Variants in TTC12 observed in about 807,000 individuals in gnomAD.
The protein encoded by TTC12 is tetratricopeptide repeat domain 12.
TTC12 carries 70 observed loss-of-function variants against 90.1 expected under a neutral mutation model. The ratio of observed to expected loss-of-function variants is 0.78; its 90% confidence interval spans 0.64 to 0.95. The LOEUF is 0.95. TTC12 is among the 40% of genes least tolerant of loss of function. The pLI, the probability that TTC12 is intolerant of heterozygous loss-of-function variation, is 0.00. For missense variants in TTC12, 819 were observed against 846.1 expected, an observed-to-expected ratio of 0.97 and a Z score of 0.40; for synonymous variants, 296 against 311.5, an observed-to-expected ratio of 0.95 and a Z score of 0.53.
downstream of TTC12, chr11:113,369,117 ATTGTTTGTTTGT>A (rs112124449): frequency 2.0e-5 from 3 of 152,990 alleles, no homozygotes; most frequent in East Asian, 1.9e-4. Flanking sequence ...CTGCCTGTGC[ATTGTTTGTTTGT>A]TTGTTTGTTT....
chr11:113,345,355 T>C (rs1433660135), intron 13 of TTC12, among the ~76,000 whole-genome samples: 1 of 152,282 alleles, frequency 6.6e-6, no homozygotes, highest in Non-Finnish European at 1.5e-5. Context: ...ATGTCACTCA[T>C]GGGGCAGGAA....
exon 22 of TTC12, chr11:113,373,274 CAT>C: frequency 1.0e-6 from 1 of 959,684 alleles, no homozygotes; most frequent in Non-Finnish European, 1.2e-6. Context: ...AAATTCATAA[CAT>C]AATGACTTCA....
At chr11:113,352,295 T>TCCCAGGGAAATCCAGAAGCA in intron 16 of TTC12, 88 bp downstream of exon 16, 1 of 1,576,652 alleles carries the variant, frequency 6.3e-7, no homozygotes, top group Non-Finnish European at 8.7e-7. Context: ...CCAAAAATTC[T>TCCCAGGGAAATCCAGAAGCA]GTTTCTGTGG....
chr11:113,325,712 C>T, intron 6 of TTC12, 67 bp downstream of exon 6: 1 of 1,591,574 alleles, frequency 6.3e-7, no homozygotes. Flanking sequence ...CTTGGGAAAA[C>T]AAAGATGAGG....
intron 8 of TTC12, 117 bp downstream of exon 8, chr11:113,335,154 T>A: frequency 1.3e-6 from 1 of 780,238 alleles, no homozygotes; most frequent in South Asian, 1.8e-5. Flanking sequence ...CCTTTAGTAT[T>A]TTCCAAGGTA....
rs201766870 is a variant in TTC12 at position 113,350,053 on chromosome 11, G to A, written c.1155-20G>A. ...TAGTTGGAGGACAGCTACCTCTGAG[G>A]TTATTATGGTTTTTTGCAGATTATT... On this transcript the variant is annotated intron_variant, in intron 13 of 21. Coordinates refer to ENST00000529221, the MANE Select transcript of TTC12 (RefSeq NM_017868.4). 1.2e-4 allele frequency: 188 copies of A among 1,603,934 alleles called. No homozygotes were observed. In the African/African-American group the frequency reaches 2.3e-3, roughly 19 times the overall value.
At chr11:113,343,966 G>A (rs1406966924) in intron 12 of TTC12, among the ~76,000 whole-genome samples, 2 of 152,118 alleles carry the variant, frequency 1.3e-5, no homozygotes, top group East Asian at 3.9e-4. Flanking sequence ...TGATTTATGG[G>A]TGCCAGTCCC....
At chr11:113,327,662 G>A (rs1947774838) in intron 6 of TTC12, among the ~76,000 whole-genome samples, 1 of 152,120 alleles carries the variant, frequency 6.6e-6, no homozygotes, top group South Asian at 2.1e-4. Flanking sequence ...GTAAAAGGCT[G>A]TGTAGAGAAA....
At chr11:113,317,695 TC>T (rs1947030303) in intron 2 of TTC12, among the ~76,000 whole-genome samples, 1 of 152,082 alleles carries the variant, frequency 6.6e-6, no homozygotes, top group African/African-American at 2.4e-5. Context: ...CTCTCATATC[TC>T]CCTACCTCAC....
intron 2 of TTC12, among the ~76,000 whole-genome samples, chr11:113,321,270 G>A (rs1296896422): frequency 6.6e-6 from 1 of 152,144 alleles, no homozygotes; most frequent in Non-Finnish European, 1.5e-5. Context: ...AGAAGAATGG[G>A]AACTTCCTCT....
At chr11:113,315,621 T>C (rs1488227658) in intron 1 of TTC12, among the ~76,000 whole-genome samples, 1 of 152,214 alleles carries the variant, frequency 6.6e-6, no homozygotes, top group Non-Finnish European at 1.5e-5. Flanking sequence ...TGAGTACTGC[T>C]GGGTACACCA....
At chr11:113,329,281 C>T (rs12225351) in intron 6 of TTC12, among the ~76,000 whole-genome samples, 36,589 of 152,050 alleles carry the variant, frequency 0.24, 5,343 homozygotes, top group East Asian at 0.49. Flanking sequence ...TCTTTTTTAT[C>T]CCCTTTATCA....
chr11:113,336,585 ATTCTTTTG>A (rs1555144109), intron 8 of TTC12, among the ~76,000 whole-genome samples: 3 of 152,144 alleles, frequency 2.0e-5, no homozygotes, highest in Admixed American at 2.0e-4. Flanking sequence ...GTTCAACTTC[ATTCTTTTG>A]CCTGTAGATG....
intron 16 of TTC12, among the ~76,000 whole-genome samples, chr11:113,352,824 G>A (rs1475053363): frequency 2.0e-5 from 3 of 152,174 alleles, no homozygotes; most frequent in African/African-American, 7.2e-5. Flanking sequence ...TGGTGTATAT[G>A]TACCACATTT....
intron 2 of TTC12, among the ~76,000 whole-genome samples, chr11:113,320,028 A>G (rs774505834): frequency 1.6e-4 from 25 of 152,242 alleles, no homozygotes; most frequent in Admixed American, 5.2e-4. Context: ...TATTTAACAC[A>G]CTAAAATTAA....
Position 113,359,924 on chromosome 11 carries a change from C to T in TTC12, c.1546-16C>T. On this transcript the variant is annotated splice_polypyrimidine_tract_variant and intron_variant, in intron 17 of 21. Coordinates refer to ENST00000529221, the MANE Select transcript of TTC12 (RefSeq NM_017868.4). ...GAAAATTAAAATCTCCTGCTGGCCT[C>T]TCCCCATTGTTGTAGGTTTGGGCTG... The T allele has an allele frequency of 3.8e-6, 6 of 1,582,962 alleles. No homozygotes were observed. Among genetic ancestry groups the T allele is most frequent in the East Asian group, 2.3e-5 (1 of 44,284 alleles).
chr11:113,323,570 AT>A (rs1947485909), intron 3 of TTC12, 119 bp downstream of exon 3: 2 of 630,622 alleles, frequency 3.2e-6, no homozygotes, highest in Non-Finnish European at 4.8e-6. Flanking sequence ...TCTTAGATTT[AT>A]TTTTTATAAG....
At chr11:113,366,454 G>A, downstream of TTC12, 1 of 1,396,320 alleles carries the variant, frequency 7.2e-7, no homozygotes, top group African/African-American at 1.4e-5. Flanking sequence ...CAAGAGAGTG[G>A]GCATTAGGCT....
intron 21 of TTC12, among the ~76,000 whole-genome samples, 177 bp downstream of exon 21, chr11:113,365,237 AAACT>A (rs1950145822): frequency 6.6e-6 from 1 of 152,158 alleles, no homozygotes; most frequent in African/African-American, 2.4e-5. Flanking sequence ...TTTCTAGAGG[AAACT>A]GGGGAGCTCT....
Sources: allele counts gnomAD v4.1 joint callset (sites outside exome capture counted in the v4.1 genomes callset), GRCh38; gene constraint gnomAD v4.1.1; transcripts MANE v1.5; gene names NCBI Gene and HGNC (gene_info 2026-07-23, HGNC 2026-07-21).